The following KATNIP variants were observed in gnomAD, a reference collection of about 807,000 sequenced individuals.
KATNIP encodes the protein katanin-interacting protein.
KATNIP carries 126 observed loss-of-function variants against 174.0 expected under a neutral mutation model. The ratio of observed to expected loss-of-function variants is 0.72; its 90% CI spans 0.63 to 0.84. The LOEUF (loss-of-function observed/expected upper bound fraction) is 0.84. KATNIP is among the 40% of genes least tolerant of loss of function. KATNIP has a pLI of 0.00. For missense variants in KATNIP, 1,958 were observed against 2,109.7 expected (o/e 0.93, Z 1.41); for synonymous variants, 810 against 835.7 (o/e 0.97, Z 0.53).
At chr16:27,586,146 T>C (rs1298957061) in intron 2 of KATNIP, among the ~76,000 whole-genome samples, 1 of 152,116 alleles carries the variant, frequency 6.6e-6, no homozygotes, top group Non-Finnish European at 1.5e-5. Context: ...GGGTTGTTTA[T>C]AAACACAAAG....
chr16:27,599,727 A>G (rs1482735895), intron 2 of KATNIP, among the ~76,000 whole-genome samples: 1 of 151,994 alleles, frequency 6.6e-6, no homozygotes, highest in Non-Finnish European at 1.5e-5. Flanking sequence ...TTCTTACTCC[A>G]ACTTCCGCTG....
rs116561786 is a variant in KATNIP at position 27,719,982 on chromosome 16, A to G, written c.1606-1576A>G. ...CCACTGCACCTGTCTGAATCTCCCCATTTTTAAATGTTGGCAATGAATTTG... is the reference window on the plus strand; with the variant it reads ...CCACTGCACCTGTCTGAATCTCCCCGTTTTTAAATGTTGGCAATGAATTTG... On this transcript the variant is annotated intron_variant, in intron 13 of 27. Transcript: ENST00000261588. Among the ~76,000 whole-genome samples, 629 of 152,066 alleles carry G rather than the reference A, an allele frequency of 4.1e-3. 2 individuals are homozygous for G. The highest frequency in any genetic ancestry group is 0.014 in the African/African-American group (599 of 41,498).
intron 2 of KATNIP, among the ~76,000 whole-genome samples, chr16:27,580,682 A>G (rs1004249579): frequency 2.7e-5 from 4 of 146,718 alleles, no homozygotes; most frequent in Non-Finnish European, 5.9e-5. Flanking sequence ...CATGCAATAC[A>G]CATTGTTTTC....
chr16:27,733,784 G>A (rs1376881026), intron 14 of KATNIP, among the ~76,000 whole-genome samples: 3 of 152,018 alleles, frequency 2.0e-5, no homozygotes, highest in Admixed American at 1.3e-4. Context: ...TTTTCCCCCT[G>A]GATCCTTTCG....
At chr16:27,707,604 G>A (rs1474407346) in intron 12 of KATNIP, among the ~76,000 whole-genome samples, 1 of 152,218 alleles carries the variant, frequency 6.6e-6, no homozygotes, top group Non-Finnish European at 1.5e-5. Context: ...CAAGGCCAGG[G>A]GGCCATGTTA....
At chr16:27,681,660 TAGTC>T (rs1216245297) in intron 8 of KATNIP, 130 bp downstream of exon 8, 5 of 965,450 alleles carry the variant, frequency 5.2e-6, no homozygotes, top group South Asian at 1.4e-5. Context: ...GCAAATGTAT[TAGTC>T]AGGGGTCTGC....
At position 27,628,691 on chromosome 16, in the gene KATNIP, C is replaced by T. The variant is rs376698615; in HGVS notation, c.171C>T (p.Pro57=). 10 of 1,614,034 alleles carry T rather than the reference C, an allele frequency of 6.2e-6. No homozygotes were observed. The highest frequency in any genetic ancestry group is 4.0e-5 in the African/African-American group (3 of 74,916). The change falls in exon 4 of 28, where the codon CCC becomes CCT. Residue 57 remains proline (P), a synonymous_variant. Coordinates refer to ENST00000261588, the MANE Select transcript of KATNIP (RefSeq NM_015202.5). ...RILKHLKSKD[P]VQLRLEHLEQ... ...TAAAGCATTTGAAAAGCAAGGACCCCGTGCAATTGAGGCTGGAGCACTTGG... is the reference window on the plus strand; with the variant it reads ...TAAAGCATTTGAAAAGCAAGGACCCTGTGCAATTGAGGCTGGAGCACTTGG...
Position 27,681,478 on chromosome 16 carries a change from C to T in KATNIP, c.888C>T (p.Asn296=), listed in dbSNP as rs1157297625. The change falls in exon 8 of 28, where the codon AAC becomes AAT. Residue 296 remains asparagine, a synonymous_variant. Coordinates refer to ENST00000261588, the MANE Select transcript of KATNIP (RefSeq NM_015202.5). ...TCGTTCCCACCAAACCTGAGCCAAA[C>T]CTGACTCCCCAAGCTCCTGCTGTAT... ...EVFVPTKPEP[N]LTPQAPAVFP... is the part of the protein sequence containing the mutation. 6.2e-7 allele frequency: 1 copy of T among 1,614,204 alleles called. No homozygotes were observed. Among genetic ancestry groups the T allele is most frequent in the Non-Finnish European group, 8.5e-7 (1 of 1,180,034 alleles).
At chr16:27,663,660 T>C (rs2077596248) in intron 6 of KATNIP, among the ~76,000 whole-genome samples, 2 of 150,846 alleles carry the variant, frequency 1.3e-5, no homozygotes, top group South Asian at 2.1e-4. Flanking sequence ...AGATTCACCA[T>C]GTTGGCCAGG....
chr16:27,581,336 AG>A (rs1475829879), intron 2 of KATNIP, among the ~76,000 whole-genome samples: 1 of 152,226 alleles, frequency 6.6e-6, no homozygotes, highest in Non-Finnish European at 1.5e-5. Flanking sequence ...AATGGATCAA[AG>A]GGTGTGTGTT....
At chr16:27,596,228 C>T (rs1048645118) in intron 2 of KATNIP, among the ~76,000 whole-genome samples, 1 of 152,014 alleles carries the variant, frequency 6.6e-6, no homozygotes, top group Non-Finnish European at 1.5e-5. Context: ...GGGGCAGCAG[C>T]TGTGGGGGTG....
At chr16:27,703,300 C>A (rs1202157923) in intron 11 of KATNIP, among the ~76,000 whole-genome samples, 1 of 152,098 alleles carries the variant, frequency 6.6e-6, no homozygotes, top group Non-Finnish European at 1.5e-5. Flanking sequence ...TGCTTCAGGG[C>A]CTTGGGGGTA....
chr16:27,632,231 G>A (rs2076509980), intron 5 of KATNIP, among the ~76,000 whole-genome samples: 1 of 152,184 alleles, frequency 6.6e-6, no homozygotes, highest in Non-Finnish European at 1.5e-5. Context: ...GGAAAGGAAA[G>A]CTTTATTTCT....
At chr16:27,554,430 A>G (rs964805709) in intron 1 of KATNIP, among the ~76,000 whole-genome samples, 1 of 152,202 alleles carries the variant, frequency 6.6e-6, no homozygotes, top group Non-Finnish European at 1.5e-5. Context: ...ATGCCACTGT[A>G]TTGCAGCCTG....
intron 6 of KATNIP, among the ~76,000 whole-genome samples, chr16:27,676,205 G>A (rs2078107509): frequency 6.6e-6 from 1 of 152,156 alleles, no homozygotes; most frequent in Non-Finnish European, 1.5e-5. Flanking sequence ...GAAATCTCCT[G>A]AGTTAAATAT....
At chr16:27,667,130 GGGCAAC>G (rs2077714816) in intron 6 of KATNIP, among the ~76,000 whole-genome samples, 1 of 152,082 alleles carries the variant, frequency 6.6e-6, no homozygotes, top group African/African-American at 2.4e-5. Context: ...AGACCAGCCT[GGGCAAC>G]ATGGCAAGAC....
chr16:27,760,779 C>T lies in KATNIP; in HGVS notation c.3632-634C>T, dbSNP rs566801542. Among the ~76,000 whole-genome samples the T allele has an allele frequency of 3.4e-4, 51 of 152,236 alleles. 1 individual carries two copies. The South Asian group carries it at 6.2e-3, about 19-fold the overall frequency. The stretch of plus-strand genomic sequence containing the variant: ...GGCAAGTGGGTATTTACCAAGATCA[C>T]GCGATTACAGCAGTGACCAGGGCTT... On this transcript the variant is annotated intron_variant, in intron 18 of 27. Transcript: ENST00000261588.
intron 4 of KATNIP, among the ~76,000 whole-genome samples, chr16:27,629,445 T>C (rs1003877918): frequency 6.6e-6 from 1 of 152,232 alleles, no homozygotes; most frequent in African/African-American, 2.4e-5. Flanking sequence ...TCACTTAGTA[T>C]GTTTTAACTT....
intron 6 of KATNIP, among the ~76,000 whole-genome samples, chr16:27,658,337 A>G (rs1274536870): frequency 1.3e-5 from 2 of 152,174 alleles, no homozygotes; most frequent in African/African-American, 4.8e-5. Context: ...AAGCTAATAG[A>G]ATTTGTAGAT....
Sources: allele counts gnomAD v4.1 joint callset (sites outside exome capture counted in the v4.1 genomes callset), GRCh38; gene constraint gnomAD v4.1.1; transcripts MANE v1.5; gene names NCBI Gene and HGNC (gene_info 2026-07-23, HGNC 2026-07-21).